AGBL1: variants seen among roughly 807,000 people sequenced by gnomAD.
The protein encoded by AGBL1 is cytosolic carboxypeptidase 4.
Under a neutral mutation model 118.9 loss-of-function variants are expected in AGBL1, and 130 were observed. That is an observed-to-expected ratio of 1.09 (90% confidence interval 0.95 to 1.26). The LOEUF is 1.26. Among genes scored for constraint, AGBL1 ranks in the 50% most tolerant of loss-of-function variants. The probability of loss-of-function intolerance (pLI) is 0.00; values close to 1 mark genes in which losing one functional copy is unlikely to be tolerated. For missense variants in AGBL1, 1,584 were observed against 1,298.1 expected (o/e 1.22, Z -3.38); for synonymous variants, 555 against 478.9 (o/e 1.16, Z -2.08).
chr15:86,350,276 A>G (rs2080604830), intron 17 of AGBL1, among the ~76,000 whole-genome samples: 1 of 152,234 alleles, frequency 6.6e-6, no homozygotes, highest in African/African-American at 2.4e-5. Context: ...ACTCACAAAA[A>G]GAATCTCACA....
At chr15:86,878,075 C>T (rs2079837748) in intron 22 of AGBL1, among the ~76,000 whole-genome samples, 1 of 152,160 alleles carries the variant, frequency 6.6e-6, no homozygotes, top group African/African-American at 2.4e-5. Flanking sequence ...GACTGATTTC[C>T]ACATGGAGTT....
chr15:86,555,333 C>G (rs1436147898), intron 21 of AGBL1, among the ~76,000 whole-genome samples: 1 of 152,216 alleles, frequency 6.6e-6, no homozygotes, highest in Non-Finnish European at 1.5e-5. Flanking sequence ...CAGCATTAAG[C>G]TCATTGTGTT....
intron 5 of AGBL1, among the ~76,000 whole-genome samples, chr15:86,217,870 G>T (rs143949106): frequency 1.3e-5 from 2 of 152,290 alleles, no homozygotes; most frequent in Admixed American, 1.3e-4. Flanking sequence ...AAGAGTGGAT[G>T]TGGGGTAGCA....
At chr15:86,630,583 CT>C (rs1447771856) in intron 21 of AGBL1, 1 of 152,252 alleles carries the variant, frequency 6.6e-6, no homozygotes, top group Non-Finnish European at 1.5e-5. Context: ...GATGCAGGTG[CT>C]GCTGGTCCAT....
chr15:86,882,428 C>T (rs1377121709), intron 22 of AGBL1, among the ~76,000 whole-genome samples: 10 of 151,968 alleles, frequency 6.6e-5, no homozygotes, highest in Non-Finnish European at 1.5e-4. Flanking sequence ...GAAGTCACTA[C>T]ACCATTTCTC....
chr15:86,293,808 G>GT (rs1175079276), intron 16 of AGBL1, among the ~76,000 whole-genome samples: 3 of 151,978 alleles, frequency 2.0e-5, no homozygotes, highest in Non-Finnish European at 4.4e-5. Flanking sequence ...AAATTCATGA[G>GT]TTTTTTGTTT....
In AGBL1 at chr15:86,971,562, A is replaced by G. The variant is rs144071613; in HGVS notation, c.3222-16425A>G. Among the ~76,000 whole-genome samples, 7 of 152,138 alleles carry G rather than the reference A, an allele frequency of 4.6e-5. No homozygotes were observed. In the East Asian group the frequency reaches 1.4e-3, roughly 29 times the overall value. On this transcript the variant is annotated intron_variant, in intron 23 of 24. Transcript: ENST00000441037. ...AACAGAAAACACTGAGCTCTATGAG[A>G]AAGGTAAAAGAAAAAATAGGAATAG...
intron 22 of AGBL1, among the ~76,000 whole-genome samples, chr15:86,855,971 A>G (rs1057079420): frequency 2.6e-5 from 4 of 152,180 alleles, no homozygotes; most frequent in Admixed American, 1.3e-4. Context: ...CAGCCTTTAA[A>G]ACCCGGGAGC....
At chr15:86,203,115 A>G (rs1049341626) in intron 5 of AGBL1, among the ~76,000 whole-genome samples, 3 of 151,884 alleles carry the variant, frequency 2.0e-5, no homozygotes, top group Non-Finnish European at 4.4e-5. Context: ...AGTGATAATG[A>G]TGATGATGAT....
intron 1 of AGBL1, among the ~76,000 whole-genome samples, chr15:86,131,881 C>A (rs541294218): frequency 6.6e-6 from 1 of 150,564 alleles, no homozygotes; most frequent in Non-Finnish European, 1.5e-5. Flanking sequence ...AGGTGGGCTG[C>A]AGTCCAGTTG....
At chr15:86,412,172 C>T (rs1430719344) in intron 18 of AGBL1, among the ~76,000 whole-genome samples, 1 of 152,190 alleles carries the variant, frequency 6.6e-6, no homozygotes, top group Non-Finnish European at 1.5e-5. Context: ...ATTCTCTTAA[C>T]TAGTCTATAC....
chr15:86,225,031 T>TTA, intron 6 of AGBL1, 80 bp downstream of exon 6: 38 of 1,380,926 alleles, frequency 2.8e-5, no homozygotes, highest in Middle Eastern at 1.8e-4. Flanking sequence ...CCATGGCTGT[T>TTA]TCTTTTTTTT....
chr15:86,796,226 C>CACAA (rs2078568625), intron 22 of AGBL1, among the ~76,000 whole-genome samples: 1 of 152,166 alleles, frequency 6.6e-6, no homozygotes, highest in Non-Finnish European at 1.5e-5. Context: ...CCACCTCACA[C>CACAA]TGGGAAAAGT....
chr15:86,886,057 A>T (rs748065441), intron 22 of AGBL1, among the ~76,000 whole-genome samples: 2 of 152,320 alleles, frequency 1.3e-5, no homozygotes, highest in Admixed American at 1.3e-4. Context: ...GGTTTTTTTC[A>T]TATAGCCTCT....
intron 18 of AGBL1, among the ~76,000 whole-genome samples, chr15:86,407,587 G>C (rs952762229): frequency 1.1e-4 from 16 of 152,176 alleles, no homozygotes; most frequent in African/African-American, 3.9e-4. Flanking sequence ...AGGTCAGATA[G>C]GAAGGTAAAG....
intron 22 of AGBL1, among the ~76,000 whole-genome samples, chr15:86,793,603 A>G (rs145099227): frequency 6.6e-6 from 1 of 152,350 alleles, no homozygotes; most frequent in African/African-American, 2.4e-5. Context: ...GTGACAAAAG[A>G]AAACAGATAA....
At chr15:86,774,097 A>T (rs997447726) in intron 22 of AGBL1, among the ~76,000 whole-genome samples, 1 of 152,088 alleles carries the variant, frequency 6.6e-6, no homozygotes, top group African/African-American at 2.4e-5. Flanking sequence ...ACCATCTGCA[A>T]CTTCAGTCCT....
chr15:86,545,066 C>T (rs1176824690), intron 19 of AGBL1, among the ~76,000 whole-genome samples: 1 of 152,118 alleles, frequency 6.6e-6, no homozygotes, highest in East Asian at 1.9e-4. Context: ...GGACTTTGAG[C>T]AGATATGACG....
At chr15:86,322,290 T>C (rs1361183480) in intron 17 of AGBL1, among the ~76,000 whole-genome samples, 1 of 152,112 alleles carries the variant, frequency 6.6e-6, no homozygotes, top group Admixed American at 6.5e-5. Context: ...GATATTTTTT[T>C]CTTGTTAACA....
Sources: allele counts gnomAD v4.1 joint callset (sites outside exome capture counted in the v4.1 genomes callset), GRCh38; gene constraint gnomAD v4.1.1; transcripts MANE v1.5; gene names NCBI Gene and HGNC (gene_info 2026-07-23, HGNC 2026-07-21).